ASIC2: variants seen among roughly 807,000 people sequenced by gnomAD.
The protein encoded by ASIC2 is acid-sensing ion channel 2.
Under a neutral mutation model 57.3 loss-of-function variants are expected in ASIC2, and 25 were observed. The observed-to-expected ratio is 0.44, with a 90% confidence interval of 0.32 to 0.61. The LOEUF is 0.61. Among genes scored for constraint, ASIC2 ranks in the 20% least tolerant of loss-of-function variants. ASIC2 has a pLI of 0.06. For synonymous variants in ASIC2, 319 were observed against 307.5 expected (o/e 1.04, Z -0.39); for missense variants, 641 against 738.1 (o/e 0.87, Z 1.52).
intron 1 of ASIC2, among the ~76,000 whole-genome samples, chr17:33,965,592 T>A (rs190476435): frequency 2.6e-4 from 40 of 152,342 alleles, no homozygotes; most frequent in African/African-American, 9.6e-4. Flanking sequence ...TGAACACTTA[T>A]CTGTACTAGC....
intron 1 of ASIC2, among the ~76,000 whole-genome samples, chr17:33,719,620 C>G (rs748885302): frequency 1.3e-5 from 2 of 152,296 alleles, no homozygotes; most frequent in South Asian, 4.1e-4. Context: ...CCTTGTACAG[C>G]GCAAACATCA....
At chr17:33,738,583 C>G (rs1321594067) in intron 1 of ASIC2, among the ~76,000 whole-genome samples, 1 of 152,174 alleles carries the variant, frequency 6.6e-6, no homozygotes, top group Non-Finnish European at 1.5e-5. Flanking sequence ...GGCTTAATAT[C>G]TAACTCCTTC....
intron 1 of ASIC2, among the ~76,000 whole-genome samples, chr17:33,324,618 C>A (rs1906996087): frequency 6.6e-6 from 1 of 152,142 alleles, no homozygotes; most frequent in South Asian, 2.1e-4. Context: ...CCCGAGGAAG[C>A]CTTCCACTGG....
At position 34,039,962 on chromosome 17, in the gene ASIC2, T is replaced by C. The variant is rs1019732773; in HGVS notation, c.555+116016A>G. ...GCTGCGGACCGCTCCGCTCTCCCCC[T>C]GGGCAGGCCCGGGGCGGAGCCGGGG... On this transcript the variant is annotated intron_variant, in intron 1 of 9. Coordinates refer to the ASIC2 transcript ENST00000359872. 2.0e-5 allele frequency: 23 copies of C among 1,124,428 alleles called. No individual in the cohort carries two copies. The African/African-American group carries it at 3.1e-4, about 15-fold the overall frequency. The allele number at this position is 1,124,428 out of a possible 1,614,324, so 69.7% of individuals were successfully genotyped here.
intron 3 of ASIC2, among the ~76,000 whole-genome samples, chr17:33,041,873 C>T (rs2091931148): frequency 6.6e-6 from 1 of 152,266 alleles, no homozygotes; most frequent in East Asian, 1.9e-4. Flanking sequence ...CTGTAAGGGG[C>T]ACTATACTCC....
chr17:34,074,847 G>A (rs1000490472), intron 1 of ASIC2, among the ~76,000 whole-genome samples: 9 of 141,018 alleles, frequency 6.4e-5, no homozygotes, highest in Admixed American at 1.5e-4. Context: ...ATGCAGTGAC[G>A]CGATCTCGGC....
intron 1 of ASIC2, among the ~76,000 whole-genome samples, chr17:33,389,186 C>T (rs1003817665): frequency 2.0e-5 from 3 of 152,094 alleles, no homozygotes; most frequent in Non-Finnish European, 4.4e-5. Flanking sequence ...TCTCGAAATC[C>T]TGAGCTCAAA....
chr17:34,021,832 G>GT lies in ASIC2; in HGVS notation c.555+134145dup, dbSNP rs1324168238. 2.2e-3 allele frequency among the ~76,000 whole-genome samples: 261 copies of GT among 121,310 alleles called. 3 individuals carry two copies. Among genetic ancestry groups the GT allele is most frequent in the African/African-American group, 8.7e-3 (216 of 24,762 alleles). 79.6% of individuals were successfully genotyped at this position (121,310 alleles called of 152,430 possible). ...TTTTTTGTTGTTGGTTTTGTGTTTT[G>GT]TTTTGTTTTTTTTTTTTTTTTTTGA... On this transcript the variant is annotated intron_variant, in intron 1 of 9. Coordinates refer to the ASIC2 transcript ENST00000359872.
At chr17:33,607,418 C>T (rs1036368500) in intron 1 of ASIC2, among the ~76,000 whole-genome samples, 8 of 152,122 alleles carry the variant, frequency 5.3e-5, no homozygotes, top group Non-Finnish European at 1.0e-4. Context: ...TGGCCCCCTC[C>T]CACACTCCCT....
intron 1 of ASIC2, among the ~76,000 whole-genome samples, chr17:33,282,553 T>C (rs1485623831): frequency 6.6e-6 from 1 of 151,996 alleles, no homozygotes; most frequent in African/African-American, 2.4e-5. Flanking sequence ...TGGCTCATTA[T>C]AACCTCCGCC....
intron 1 of ASIC2, among the ~76,000 whole-genome samples, chr17:33,668,179 CT>C (rs1907537318): frequency 6.6e-6 from 1 of 152,042 alleles, no homozygotes; most frequent in Non-Finnish European, 1.5e-5. Context: ...ATTGCTCCCC[CT>C]GCCTGGAGAG....
At chr17:33,605,274 A>G (rs34494773) in intron 1 of ASIC2, among the ~76,000 whole-genome samples, 10,511 of 152,300 alleles carry the variant, frequency 0.069, 1,094 homozygotes, top group African/African-American at 0.22. Context: ...CGGGGAGCCC[A>G]GGAAGGAAGA....
intron 1 of ASIC2, among the ~76,000 whole-genome samples, chr17:33,883,908 A>T (rs1341092380): frequency 6.6e-6 from 1 of 152,382 alleles, no homozygotes; most frequent in Non-Finnish European, 1.5e-5. Flanking sequence ...CGGATGAGCA[A>T]ATCAAAGCTC....
chr17:33,748,165 C>T (rs920956573), intron 1 of ASIC2, among the ~76,000 whole-genome samples: 5 of 152,230 alleles, frequency 3.3e-5, no homozygotes, highest in African/African-American at 1.2e-4. Flanking sequence ...CTGGGCAGTT[C>T]CTCTCATCTC....
chr17:33,595,719 A>G lies in ASIC2; in HGVS notation c.556-483652T>C, dbSNP rs953828212. Among the ~76,000 whole-genome samples the G allele has an allele frequency of 6.6e-5, 10 of 152,372 alleles. No homozygotes were observed. In the East Asian group the frequency reaches 1.9e-3, roughly 29 times the overall value. ...TTCTTCATCTGTAAAAATGGAATAA[A>G]CACATCTGCCTTGCAGGGGGGTTGT... On this transcript the variant is annotated intron_variant, in intron 1 of 9. Coordinates refer to the ASIC2 transcript ENST00000359872.
chr17:33,523,373 C>T (rs1914797984), intron 1 of ASIC2, among the ~76,000 whole-genome samples: 2 of 152,186 alleles, frequency 1.3e-5, no homozygotes, highest in Admixed American at 1.3e-4. Context: ...TCTCGTGCCT[C>T]AGCCTCCCGA....
intron 7 of ASIC2, among the ~76,000 whole-genome samples, chr17:33,018,644 A>G (rs1310082010): frequency 6.6e-6 from 1 of 152,236 alleles, no homozygotes; most frequent in Non-Finnish European, 1.5e-5. Flanking sequence ...CTCTGAGTCC[A>G]GAGAGTGGCC....
At chr17:33,745,913 C>T (rs962060546) in intron 1 of ASIC2, among the ~76,000 whole-genome samples, 3 of 152,064 alleles carry the variant, frequency 2.0e-5, no homozygotes, top group Non-Finnish European at 1.5e-5. Context: ...TATAAATGCA[C>T]GTTTCTTCTT....
intron 1 of ASIC2, among the ~76,000 whole-genome samples, chr17:33,193,717 A>C (rs1906519381): frequency 6.6e-6 from 1 of 152,160 alleles, no homozygotes; most frequent in African/African-American, 2.4e-5. Flanking sequence ...TCTAATTCAG[A>C]GAGTCCGGGC....
Sources: allele counts gnomAD v4.1 joint callset (sites outside exome capture counted in the v4.1 genomes callset), GRCh38; gene constraint gnomAD v4.1.1; transcripts MANE v1.5; gene names NCBI Gene and HGNC (gene_info 2026-07-23, HGNC 2026-07-21).